FHDC1: variants seen among roughly 807,000 people sequenced by gnomAD.
FHDC1 encodes FH2 domain containing 1.
A neutral mutation model predicts 52.6 loss-of-function variants in FHDC1; 25 were observed. The ratio of observed to expected loss-of-function variants is 0.48; its 90% CI spans 0.35 to 0.66. FHDC1 has a LOEUF of 0.66. Ranked by LOEUF, FHDC1 falls within the 30% of genes least tolerant of loss-of-function variation. The probability of loss-of-function intolerance (pLI) is 0.01; values close to 1 mark genes in which losing one functional copy is unlikely to be tolerated. For synonymous variants in FHDC1, 616 were observed against 581.5 expected (o/e 1.06, Z -0.85); for missense variants, 1,459 against 1,452.8 (o/e 1.00, Z -0.07).
intron 1 of FHDC1, among the ~76,000 whole-genome samples, chr4:152,938,866 A>G (rs1040682823): frequency 6.6e-6 from 1 of 152,044 alleles, no homozygotes; most frequent in African/African-American, 2.4e-5. Flanking sequence ...GAGCACCAGG[A>G]CCGCTGGTGC....
chr4:152,959,947 C>T lies in FHDC1; in HGVS notation c.664-618C>T, dbSNP rs181952296. On this transcript the variant is annotated intron_variant, in intron 4 of 11. Transcript: ENST00000511601. The stretch of plus-strand genomic sequence containing the variant: ...GTCCCTGGGGGCAATCTTAACGTCC[C>T]GTTGTTTAAGCAATTTTCCTATTTG... 3.4e-3 allele frequency among the ~76,000 whole-genome samples: 374 copies of T among 108,482 alleles called. 2 individuals are homozygous for T. Among genetic ancestry groups the T allele is most frequent in the African/African-American group, 0.013 (335 of 26,152 alleles). The allele number at this position is 108,482 out of a possible 152,430, so 71.2% of individuals were successfully genotyped here. A position where few individuals can be genotyped will look rare whatever the true frequency, so the allele number is the denominator to read the frequency against.
the FHDC1 span, among the ~76,000 whole-genome samples, chr4:152,930,997 A>ACACACACACACACACT: frequency 4.4e-5 from 5 of 113,144 alleles, no homozygotes; most frequent in Admixed American, 1.7e-4. Flanking sequence ...ACACACACAC[A>ACACACACACACACACT]CTCTCTCTCT....
At chr4:152,971,494 G>T (rs1305356314) in intron 10 of FHDC1, among the ~76,000 whole-genome samples, 1 of 152,214 alleles carries the variant, frequency 6.6e-6, no homozygotes, top group African/African-American at 2.4e-5. Context: ...GGGGAAGTGT[G>T]TGTGACCCTT....
At position 152,949,115 on chromosome 4, in the gene FHDC1, T is replaced by TAAG. The variant is rs1458622582; in HGVS notation, c.499-4382_499-4381insGAA. On this transcript the variant is annotated intron_variant, in intron 2 of 11. Coordinates refer to ENST00000511601, the MANE Select transcript of FHDC1 (RefSeq NM_001371116.1). ...GTAATAATAATAATAATAATAATAA[T>TAAG]AATAATAATAAGAAGAAGAAGAAGA... Among the ~76,000 whole-genome samples, 433 of 77,112 alleles carry TAAG rather than the reference T, an allele frequency of 5.6e-3. 1 individual carries two copies. The highest frequency in any genetic ancestry group is 7.0e-3 in the Non-Finnish European group (278 of 39,586). 50.6% of individuals were successfully genotyped at this position (77,112 alleles called of 152,430 possible). A position where few individuals can be genotyped will look rare whatever the true frequency, so the allele number is the denominator to read the frequency against.
In FHDC1 at chr4:152,974,870, T is replaced by A; in HGVS notation, c.1579T>A (p.Ser527Thr). The A allele has an allele frequency of 1.2e-6, 2 of 1,601,584 alleles. No individual in the cohort carries two copies. Among genetic ancestry groups the A allele is most frequent in the Non-Finnish European group, 1.7e-6 (2 of 1,175,076 alleles). Reference sequence around the variant, plus strand: ...CCTGCACCCCAGGCCCATCAGCCCCTCCAGCCCCTCCTACCGGCCCCCGAA... The same window carrying A: ...CCTGCACCCCAGGCCCATCAGCCCCACCAGCCCCTCCTACCGGCCCCCGAA... ...PFLHPRPISP[S>T]SPSYRPPNTR... Residue 527 changes from serine (S) to threonine (T), a missense_variant, in exon 12 of 12, where the codon TCC (serine) becomes ACC (threonine). Coordinates refer to ENST00000511601, the MANE Select transcript of FHDC1 (RefSeq NM_001371116.1).
At chr4:152,963,941 C>T (rs1280069333) in intron 8 of FHDC1, among the ~76,000 whole-genome samples, 1 of 151,986 alleles carries the variant, frequency 6.6e-6, no homozygotes, top group Non-Finnish European at 1.5e-5. Flanking sequence ...GTTTTGACAT[C>T]AGTGCTGTAG....
rs1450672120 is a variant in FHDC1 at position 152,976,440 on chromosome 4, AT to A, written c.3150del (p.Leu1051PhefsTer19). The A allele has an allele frequency of 5.6e-6, 9 of 1,613,554 alleles. No individual in the cohort carries two copies. The highest frequency in any genetic ancestry group is 1.3e-5 in the African/African-American group (1 of 74,900). On this transcript the variant is annotated frameshift_variant, in exon 12 of 12. Coordinates refer to ENST00000511601, the MANE Select transcript of FHDC1 (RefSeq NM_001371116.1). LOFTEE classifies it low-confidence loss of function (END_TRUNC). The stretch of plus-strand genomic sequence containing the variant: ...TCCTCCTCTCGAAGCATGAGAACAG[AT>A]CTTCCTCCCGTGGCCAAAGCCCCCG... ...VASSSRSMRTDLPPVAKAPGI... is the reference protein window; with the variant it reads ...VASSSRSMRTXLPPVAKAPGI...
chr4:152,925,214 C>T, the FHDC1 span, among the ~76,000 whole-genome samples: 1 of 151,996 alleles, frequency 6.6e-6, no homozygotes, highest in African/African-American at 2.4e-5. Context: ...TTTAAAGCAA[C>T]TCTTTTTTTC....
At chr4:152,967,871 C>A in intron 9 of FHDC1, 109 bp from the exon 10 acceptor site, 1 of 725,280 alleles carries the variant, frequency 1.4e-6, no homozygotes. Flanking sequence ...ATCACAGTAG[C>A]TCTCCCCTTC....
rs1740961771 is a variant in FHDC1, at chr4:152,978,293, CTT to C, written c.*1572_*1573del. On this transcript the variant is annotated 3_prime_UTR_variant, in exon 12 of 12. Coordinates refer to ENST00000511601, the MANE Select transcript of FHDC1 (RefSeq NM_001371116.1). ...TTCTGTCTCCCAGCCTTTCTTCTCT[CTT>C]TGTGTGCTCCCAGCACTTCCTTCTT... 1 of 152,238 alleles carries C rather than the reference CTT, an allele frequency of 6.6e-6. No individual in the cohort carries two copies. The highest frequency in any genetic ancestry group is 1.5e-5 in the Non-Finnish European group (1 of 68,054). The allele number at this position is 152,238 out of a possible 1,614,324, so 9.4% of individuals were successfully genotyped here. A position where few individuals can be genotyped will look rare whatever the true frequency, so the allele number is the denominator to read the frequency against.
At chr4:152,913,919 G>A in the FHDC1 span, among the ~76,000 whole-genome samples, 1 of 152,152 alleles carries the variant, frequency 6.6e-6, no homozygotes, top group Non-Finnish European at 1.5e-5. Context: ...GACCTCAGGT[G>A]ATCTGCCTGC....
chr4:152,963,127 A>C lies in FHDC1; in HGVS notation c.1026A>C (p.Ala342=). The C allele has an allele frequency of 6.2e-7, 1 of 1,613,728 alleles. No individual in the cohort carries two copies. Among genetic ancestry groups the C allele is most frequent in the East Asian group, 2.2e-5 (1 of 44,880 alleles). ...GGATGAATCTCCTGCACTTTGTTGC[A>C]CAGGTATGTGGAAATGATTAGGACT... The part of the protein sequence containing the change: ...KPGMNLLHFV[A]QEAQKKDTIL... The change falls in exon 8 of 12, where the codon GCA becomes GCC. Residue 342 remains alanine, a synonymous_variant. Transcript: ENST00000511601.
At chr4:152,937,104 T>G (rs890686763) in intron 1 of FHDC1, among the ~76,000 whole-genome samples, 1 of 152,214 alleles carries the variant, frequency 6.6e-6, no homozygotes, top group Non-Finnish European at 1.5e-5. Context: ...CCCCAGCTCT[T>G]GGAGAGCGGG....
chr4:152,928,114 C>A, the FHDC1 span: 2 of 1,070,808 alleles, frequency 1.9e-6, no homozygotes, highest in Non-Finnish European at 2.9e-6. Flanking sequence ...GGAGCAGCAA[C>A]TCTGAGTCCA....
intron 1 of FHDC1, among the ~76,000 whole-genome samples, chr4:152,937,357 C>G (rs374111088): frequency 1.3e-5 from 2 of 152,130 alleles, no homozygotes; most frequent in Non-Finnish European, 2.9e-5. Context: ...ACGGACACCT[C>G]CCCTAGTTAG....
chr4:152,953,530 A>G lies in FHDC1; in HGVS notation c.530A>G (p.Asn177Ser). The G allele has an allele frequency of 6.2e-7, 1 of 1,612,664 alleles. No individual in the cohort carries two copies. Among genetic ancestry groups the G allele is most frequent in the Non-Finnish European group, 8.5e-7 (1 of 1,179,924 alleles). ...ITILDAKRSM[N>S]IGIFLKQFKK... ...ATTTTGGATGCAAAACGGAGCATGAACATTGGGATATTTCTTAAGCAATTT... is the reference window on the plus strand; with the variant it reads ...ATTTTGGATGCAAAACGGAGCATGAGCATTGGGATATTTCTTAAGCAATTT... Residue 177 changes from asparagine to serine, a missense_variant, in exon 3 of 12, where the codon AAC becomes AGC. Around this residue, in one of 3 missense-constraint regions of FHDC1, gnomAD observed 513 missense variants for 581.5 expected, o/e 0.88. Transcript: ENST00000511601.
chr4:152,949,350 T>G (rs1160193953), intron 2 of FHDC1, among the ~76,000 whole-genome samples: 1 of 150,208 alleles, frequency 6.7e-6, no homozygotes, highest in Non-Finnish European at 1.5e-5. Flanking sequence ...TGTGACAGCA[T>G]GCATCCCTAG....
At chr4:152,956,390 G>A (rs561488911) in intron 4 of FHDC1, among the ~76,000 whole-genome samples, 1 of 152,302 alleles carries the variant, frequency 6.6e-6, no homozygotes, top group South Asian at 2.1e-4. Flanking sequence ...TCAGCTTCAT[G>A]CAGTGGTGAG....
chr4:152,959,654 G>T (rs1235867303), intron 4 of FHDC1, among the ~76,000 whole-genome samples: 1 of 152,086 alleles, frequency 6.6e-6, no homozygotes, highest in African/African-American at 2.4e-5. Context: ...TTCTGCCTTG[G>T]CCTCCCAAAA....
Sources: gnomAD v4.1 joint callset for allele counts (sites outside exome capture counted in the v4.1 genomes callset) on GRCh38, gnomAD v4.1.1 for gene constraint, gnomAD v4.1.1 regional missense constraint, MANE v1.5 for transcripts, NCBI Gene and HGNC (gene_info 2026-07-23, HGNC 2026-07-21) for gene names.